ADAMTS6: variants seen among roughly 807,000 people sequenced by gnomAD.
ADAMTS6 encodes the protein A disintegrin and metalloproteinase with thrombospondin motifs 6.
Under a neutral mutation model 144.3 loss-of-function variants are expected in ADAMTS6, and 23 were observed. The ratio of observed to expected loss-of-function variants is 0.16; its 90% CI spans 0.11 to 0.23. The LOEUF (loss-of-function observed/expected upper bound fraction) is 0.23. Ranked by LOEUF, ADAMTS6 falls within the 10% of genes least tolerant of loss-of-function variation. The pLI, the probability that ADAMTS6 is intolerant of heterozygous loss-of-function variation, is 1.00. For synonymous variants in ADAMTS6, 444 were observed against 457.5 expected (o/e 0.97, Z 0.38); for missense variants, 999 against 1,379.6 (o/e 0.72, Z 4.37).
chr5:65,458,000 T>C (rs1759356524), intron 4 of ADAMTS6, among the ~76,000 whole-genome samples: 1 of 152,036 alleles, frequency 6.6e-6, no homozygotes, highest in South Asian at 2.1e-4. Flanking sequence ...GCTGGGATTA[T>C]AGGCCTGAGC....
intron 8 of ADAMTS6, among the ~76,000 whole-genome samples, chr5:65,329,910 C>T (rs1249875305): frequency 6.6e-6 from 1 of 150,950 alleles, no homozygotes; most frequent in Non-Finnish European, 1.5e-5. Flanking sequence ...TTTCTAGTTA[C>T]CAAAAAAAGG....
At chr5:65,227,365 A>C (rs2112410258) in intron 15 of ADAMTS6, among the ~76,000 whole-genome samples, 1 of 147,948 alleles carries the variant, frequency 6.8e-6, no homozygotes, top group East Asian at 1.9e-4. Context: ...AAAAATAGCA[A>C]TAAATGTGGA....
At chr5:65,264,152 C>T (rs1348075494) in intron 12 of ADAMTS6, among the ~76,000 whole-genome samples, 1 of 152,066 alleles carries the variant, frequency 6.6e-6, no homozygotes, top group Admixed American at 6.6e-5. Flanking sequence ...AATCTATTTT[C>T]CAGAGAGCAT....
chr5:65,163,367 C>A (rs1009273743), intron 24 of ADAMTS6, among the ~76,000 whole-genome samples: 1 of 152,132 alleles, frequency 6.6e-6, no homozygotes, highest in South Asian at 2.1e-4. Context: ...GCCAGAGATT[C>A]TGCAAAATTT....
At chr5:65,441,192 A>G (rs530279768) in intron 7 of ADAMTS6, among the ~76,000 whole-genome samples, 50 of 152,324 alleles carry the variant, frequency 3.3e-4, no homozygotes, top group African/African-American at 1.0e-3. Context: ...ATTATACTAC[A>G]TAAGATGAAA....
At chr5:65,472,244 CAGA>C (rs1210819942) in intron 2 of ADAMTS6, among the ~76,000 whole-genome samples, 1 of 150,074 alleles carries the variant, frequency 6.7e-6, no homozygotes, top group African/African-American at 2.5e-5. Flanking sequence ...TCTCTACAGA[CAGA>C]AGGTTTAGTT....
chr5:65,177,786 T>C (rs1394044159), intron 22 of ADAMTS6, among the ~76,000 whole-genome samples: 1 of 152,226 alleles, frequency 6.6e-6, no homozygotes, highest in Non-Finnish European at 1.5e-5. Flanking sequence ...AAAGCAATTA[T>C]TATGCTTGTG....
intron 3 of ADAMTS6, among the ~76,000 whole-genome samples, chr5:65,464,293 A>G (rs1759837867): frequency 6.6e-6 from 1 of 152,226 alleles, no homozygotes; most frequent in African/African-American, 2.4e-5. Flanking sequence ...AGTAAAATAC[A>G]GTTATCAAAA....
At chr5:65,250,448 C>T (rs139164473) in intron 14 of ADAMTS6, among the ~76,000 whole-genome samples, 2 of 152,216 alleles carry the variant, frequency 1.3e-5, no homozygotes, top group Middle Eastern at 3.4e-3. Flanking sequence ...TGATCTTAGG[C>T]AATGCATTGA....
At chr5:65,479,425 T>C (rs4700681) in intron 1 of ADAMTS6, among the ~76,000 whole-genome samples, 10,738 of 152,260 alleles carry the variant, frequency 0.071, 449 homozygotes, top group African/African-American at 0.1. Context: ...ACTCAAGCCC[T>C]AAATTACATG....
intron 24 of ADAMTS6, among the ~76,000 whole-genome samples, chr5:65,160,273 C>A (rs1561232417): frequency 6.6e-6 from 1 of 152,010 alleles, no homozygotes; most frequent in Non-Finnish European, 1.5e-5. Flanking sequence ...CTTCCACTCT[C>A]CTGCATTAAC....
At position 65,332,312 on chromosome 5, in the gene ADAMTS6, TAGAGAGAG is replaced by T. The variant is rs10673039; in HGVS notation, c.1117+1722_1117+1729del. Among the ~76,000 whole-genome samples the T allele has an allele frequency of 9.2e-3, 939 of 102,096 alleles. 5 individuals carry two copies. The highest frequency in any genetic ancestry group is 0.022 in the Middle Eastern group (4 of 178). The allele number at this position is 102,096 out of a possible 152,430, so 67.0% of individuals were successfully genotyped here. A position where few individuals can be genotyped will look rare whatever the true frequency, so the allele number is the denominator to read the frequency against. On this transcript the variant is annotated intron_variant, in intron 8 of 24. Transcript: ENST00000381055. ...GTATATATATATATATATATATATA[TAGAGAGAG>T]AGAGAGAGAGAGAGAGAGAGTGTAT... is the stretch of plus-strand genomic sequence containing the variant.
chr5:65,473,498 C>T, intron 2 of ADAMTS6, 79 bp downstream of exon 2: 1 of 1,292,436 alleles, frequency 7.7e-7, no homozygotes. Context: ...AAACTATCCA[C>T]CCAAACTAAA....
At chr5:65,440,750 C>T (rs902457423) in intron 7 of ADAMTS6, among the ~76,000 whole-genome samples, 16 of 152,086 alleles carry the variant, frequency 1.1e-4, no homozygotes, top group African/African-American at 3.6e-4. Context: ...AACTGGAAAA[C>T]CACAAGATTC....
chr5:65,226,299 T>G, intron 15 of ADAMTS6, 80 bp from the exon 16 acceptor site: 1 of 1,427,990 alleles, frequency 7.0e-7, no homozygotes, highest in Non-Finnish European at 9.5e-7. Context: ...ATGGCAAATT[T>G]ATAATTCACG....
At chr5:65,261,386 A>C (rs187622816) in intron 13 of ADAMTS6, among the ~76,000 whole-genome samples, 5 of 152,326 alleles carry the variant, frequency 3.3e-5, no homozygotes, top group Admixed American at 2.0e-4. Flanking sequence ...TTGAGTGATA[A>C]AAACAACTAA....
At chr5:65,217,064 C>T (rs1309470037) in intron 18 of ADAMTS6, among the ~76,000 whole-genome samples, 1 of 152,122 alleles carries the variant, frequency 6.6e-6, no homozygotes, top group Non-Finnish European at 1.5e-5. Context: ...TCTCCCGACC[C>T]CCATTTGCCT....
chr5:65,361,693 G>A (rs1749834377), intron 7 of ADAMTS6, among the ~76,000 whole-genome samples: 1 of 151,868 alleles, frequency 6.6e-6, no homozygotes, highest in Non-Finnish European at 1.5e-5. Context: ...CTACCTTTTT[G>A]GGTGAAAGTT....
intron 7 of ADAMTS6, among the ~76,000 whole-genome samples, chr5:65,377,357 G>C (rs1751660312): frequency 6.6e-6 from 1 of 151,970 alleles, no homozygotes; most frequent in Admixed American, 6.6e-5. Context: ...ACTTCATTCT[G>C]ACATCTGATA....
Sources: gnomAD v4.1 joint callset for allele counts (sites outside exome capture counted in the v4.1 genomes callset) on GRCh38, gnomAD v4.1.1 for gene constraint, MANE v1.5 for transcripts, NCBI Gene and HGNC (gene_info 2026-07-23, HGNC 2026-07-21) for gene names.